Variants in TBCK observed in about 807,000 individuals in gnomAD.
TBCK encodes TBC domain-containing protein kinase-like protein.
A neutral mutation model predicts 113.4 loss-of-function variants in TBCK; 99 were observed. That is an observed-to-expected ratio of 0.87 (90% CI 0.74 to 1.03). The LOEUF (loss-of-function observed/expected upper bound fraction) is 1.03. Among genes scored for constraint, TBCK ranks in the 50% least tolerant of loss-of-function variants. The probability of loss-of-function intolerance (pLI) is 0.00; values close to 1 mark genes in which losing one functional copy is unlikely to be tolerated. For missense variants in TBCK, 1,045 were observed against 1,061.3 expected (o/e 0.98, Z 0.21); for synonymous variants, 369 against 370.8 (o/e 1.00, Z 0.05).
intron 3 of TBCK, among the ~76,000 whole-genome samples, chr4:106,274,117 T>G (rs2125756323): frequency 6.6e-6 from 1 of 152,280 alleles, no homozygotes. Flanking sequence ...CATTATTGTT[T>G]ATATTAGGGA....
chr4:106,221,806 G>A (rs1473620293), intron 19 of TBCK, among the ~76,000 whole-genome samples: 1 of 152,064 alleles, frequency 6.6e-6, no homozygotes, highest in African/African-American at 2.4e-5. Context: ...CAGACTCCAG[G>A]ACCGCTTGAG....
rs113800306 is a variant in TBCK at position 106,088,208 on chromosome 4, C to T, written c.2571+7274G>A. Among the ~76,000 whole-genome samples, 572 of 152,208 alleles carry T rather than the reference C, an allele frequency of 3.8e-3. 3 individuals carry two copies. Among genetic ancestry groups the T allele is most frequent in the African/African-American group, 0.013 (544 of 41,522 alleles). On this transcript the variant is annotated intron_variant, in intron 25 of 25. Coordinates refer to ENST00000394708, the MANE Select transcript of TBCK (RefSeq NM_001163435.3). Reference sequence around the variant, plus strand: ...AAATTCTTGCAATCTACCTATCTGACGAAGGTCTAACATCCAGAATTTACA... The same window carrying T: ...AAATTCTTGCAATCTACCTATCTGATGAAGGTCTAACATCCAGAATTTACA...
intron 2 of TBCK, among the ~76,000 whole-genome samples, chr4:106,305,829 C>T (rs1767458052): frequency 6.6e-6 from 1 of 152,182 alleles, no homozygotes; most frequent in Admixed American, 6.5e-5. Context: ...GTTGTCCTCA[C>T]TGCTACACTC....
At chr4:106,283,891 T>C (rs1764866979) in intron 3 of TBCK, among the ~76,000 whole-genome samples, 1 of 152,168 alleles carries the variant, frequency 6.6e-6, no homozygotes, top group Non-Finnish European at 1.5e-5. Context: ...GTTAGAACGT[T>C]ACAATGCAAT....
intron 22 of TBCK, among the ~76,000 whole-genome samples, chr4:106,175,889 G>T (rs933919694): frequency 6.6e-6 from 1 of 152,042 alleles, no homozygotes; most frequent in African/African-American, 2.4e-5. Context: ...AGTAACTTCT[G>T]GGTATTGACA....
intron 3 of TBCK, among the ~76,000 whole-genome samples, chr4:106,268,754 T>C (rs1398698256): frequency 2.0e-5 from 3 of 152,122 alleles, no homozygotes; most frequent in Non-Finnish European, 2.9e-5. Flanking sequence ...GAGAGATTAC[T>C]ACTGGCCTCA....
At chr4:106,147,387 G>C (rs1747926121) in intron 23 of TBCK, among the ~76,000 whole-genome samples, 4 of 152,150 alleles carry the variant, frequency 2.6e-5, no homozygotes, top group Admixed American at 1.3e-4. Flanking sequence ...TGAAATGATT[G>C]CTTCATCCAT....
intron 3 of TBCK, among the ~76,000 whole-genome samples, chr4:106,282,495 T>C (rs1451774742): frequency 6.6e-6 from 1 of 152,080 alleles, no homozygotes; most frequent in Non-Finnish European, 1.5e-5. Flanking sequence ...AGCATCATTA[T>C]ATTCTTTGAT....
At chr4:106,106,254 T>G (rs1329138852) in intron 24 of TBCK, among the ~76,000 whole-genome samples, 1 of 152,118 alleles carries the variant, frequency 6.6e-6, no homozygotes, top group Non-Finnish European at 1.5e-5. Context: ...TCCCTAACCT[T>G]GCTAAAGAGG....
intron 24 of TBCK, among the ~76,000 whole-genome samples, chr4:106,103,927 G>A (rs1017294924): frequency 6.6e-6 from 1 of 152,164 alleles, no homozygotes; most frequent in South Asian, 2.1e-4. Flanking sequence ...CCACCCAAGG[G>A]AAGTGGTGAG....
Position 106,197,403 on chromosome 4 carries a change from G to GTATATA in TBCK, c.1861-2650_1861-2649insTATATA, listed in dbSNP as rs1482373580. Among the ~76,000 whole-genome samples the GTATATA allele has an allele frequency of 2.8e-3, 307 of 110,934 alleles. 1 individual carries two copies. Among genetic ancestry groups the GTATATA allele is most frequent in the African/African-American group, 8.7e-3 (300 of 34,552 alleles). 72.8% of individuals were successfully genotyped at this position (110,934 alleles called of 152,430 possible). On this transcript the variant is annotated intron_variant, in intron 20 of 25. Transcript: ENST00000394708. ...CATATCTGAGTGTGTGTGTGTGTGT[G>GTATATA]TGTGTGTGTATATATATATATATAT...
chr4:106,072,714 C>T (rs2149479555), intron 25 of TBCK, among the ~76,000 whole-genome samples: 1 of 152,304 alleles, frequency 6.6e-6, no homozygotes, highest in Middle Eastern at 3.4e-3. Context: ...TCCATTCTCC[C>T]TGTCACTTTC....
rs192320472 is a variant in TBCK, at chr4:106,251,109, T to G, written c.598-631A>C. The G allele has an allele frequency of 7.7e-6, 3 of 390,004 alleles. No homozygotes were observed. In the East Asian group the frequency reaches 2.7e-4, roughly 35 times the overall value. 24.2% of individuals were successfully genotyped at this position (390,004 alleles called of 1,614,324 possible). On this transcript the variant is annotated intron_variant, in intron 6 of 25. Coordinates refer to ENST00000394708, the MANE Select transcript of TBCK (RefSeq NM_001163435.3). ...GCATTTATGAGTTGAGCAATGATTG[T>G]GTGCCAAATTGGACTCTTCCACCAT...
At chr4:106,156,459 C>T (rs1325102251) in intron 23 of TBCK, among the ~76,000 whole-genome samples, 1 of 152,180 alleles carries the variant, frequency 6.6e-6, no homozygotes, top group Non-Finnish European at 1.5e-5. Context: ...TCCTTCCCTT[C>T]AGGGCAGAAG....
At chr4:106,260,212 G>A (rs1023329999) in intron 5 of TBCK, among the ~76,000 whole-genome samples, 1 of 151,812 alleles carries the variant, frequency 6.6e-6, no homozygotes, top group African/African-American at 2.4e-5. Context: ...TGTCAATACT[G>A]TTAGCTTCTC....
chr4:106,273,755 G>A (rs1236111032), intron 3 of TBCK, among the ~76,000 whole-genome samples: 1 of 152,214 alleles, frequency 6.6e-6, no homozygotes, highest in African/African-American at 2.4e-5. Flanking sequence ...ACTGGAAAAG[G>A]AACAGAAGGA....
intron 20 of TBCK, among the ~76,000 whole-genome samples, chr4:106,195,864 C>T (rs1295923225): frequency 6.6e-6 from 1 of 151,996 alleles, no homozygotes; most frequent in South Asian, 2.1e-4. Flanking sequence ...ATGTGTGAGC[C>T]AATTACTCAT....
chr4:106,242,708 G>GT (rs1379217905), intron 11 of TBCK, 139 bp from the exon 12 acceptor site: 8 of 505,528 alleles, frequency 1.6e-5, no homozygotes, highest in South Asian at 2.6e-5. Flanking sequence ...ATAAAACAAT[G>GT]TTTTTTTAAT....
chr4:106,132,212 C>T (rs964684195), intron 23 of TBCK, among the ~76,000 whole-genome samples: 1 of 152,202 alleles, frequency 6.6e-6, no homozygotes, highest in Non-Finnish European at 1.5e-5. Context: ...GCAGCCCATC[C>T]TATCACAGGC....
Sources: gnomAD v4.1 joint callset for allele counts (sites outside exome capture counted in the v4.1 genomes callset) on GRCh38, gnomAD v4.1.1 for gene constraint, MANE v1.5 for transcripts, NCBI Gene and HGNC (gene_info 2026-07-23, HGNC 2026-07-21) for gene names.